EIF4G3: variants seen among roughly 807,000 people sequenced by gnomAD.
EIF4G3 encodes the protein eIF-4-gamma 3.
Under a neutral mutation model 186.4 loss-of-function variants are expected in EIF4G3, and 34 were observed. The observed-to-expected ratio is 0.18, with a 90% confidence interval of 0.14 to 0.24. The LOEUF (loss-of-function observed/expected upper bound fraction) is 0.24. Ranked by LOEUF, EIF4G3 falls within the 10% of genes least tolerant of loss-of-function variation. EIF4G3 has a pLI of 1.00. For missense variants in EIF4G3, 1,536 were observed against 1,948.5 expected, an observed-to-expected ratio of 0.79 and a Z score of 3.99; for synonymous variants, 673 against 679.5, an observed-to-expected ratio of 0.99 and a Z score of 0.15.
chr1:20,913,101 T>TTTGGTATGTTGACTTGGTA (rs2093438598), intron 14 of EIF4G3, among the ~76,000 whole-genome samples: 2 of 152,212 alleles, frequency 1.3e-5, no homozygotes, highest in Non-Finnish European at 2.9e-5. Context: ...CAGAGGTCGT[T>TTTGGTATGTTGACTTGGTA]ATTTGAAATG....
intron 6 of EIF4G3, among the ~76,000 whole-genome samples, chr1:20,998,087 C>T (rs183763768): frequency 2.1e-4 from 32 of 151,958 alleles, no homozygotes; most frequent in African/African-American, 7.5e-4. Context: ...TAAAGTCCAG[C>T]AGGAAGTAAA....
chr1:21,138,704 A>G (rs1463149851), intron 2 of EIF4G3, among the ~76,000 whole-genome samples: 1 of 152,024 alleles, frequency 6.6e-6, no homozygotes, highest in Non-Finnish European at 1.5e-5. Flanking sequence ...CCAGCTACTC[A>G]GGTGGCTGAG....
chr1:20,928,867 A>G (rs2095122630), intron 14 of EIF4G3, among the ~76,000 whole-genome samples: 1 of 152,142 alleles, frequency 6.6e-6, no homozygotes. Flanking sequence ...GAAGCTCGGT[A>G]TGTATTAGCA....
intron 18 of EIF4G3, among the ~76,000 whole-genome samples, chr1:20,889,559 C>T (rs574909561): frequency 2.0e-5 from 3 of 151,962 alleles, no homozygotes; most frequent in Admixed American, 6.5e-5. Context: ...TGCAGTGGCA[C>T]GATCTCGGCT....
chr1:20,999,699 A>G (rs1363026151), intron 6 of EIF4G3: 1 of 451,012 alleles, frequency 2.2e-6, no homozygotes. Context: ...AAAGTACCCT[A>G]GTCTATTTTG....
intron 3 of EIF4G3, among the ~76,000 whole-genome samples, chr1:21,079,627 C>T (rs1165401180): frequency 2.0e-5 from 3 of 150,066 alleles, no homozygotes; most frequent in African/African-American, 2.5e-5. Flanking sequence ...GAGGCTGCAG[C>T]GAGCCATGAC....
At chr1:20,906,328 C>G (rs979629380) in intron 14 of EIF4G3, among the ~76,000 whole-genome samples, 1 of 152,172 alleles carries the variant, frequency 6.6e-6, no homozygotes, top group African/African-American at 2.4e-5. Context: ...TATAACCAGT[C>G]TGTTTAATGC....
chr1:21,024,653 G>A (rs950077243), intron 4 of EIF4G3, among the ~76,000 whole-genome samples: 9 of 150,154 alleles, frequency 6.0e-5, no homozygotes, highest in Admixed American at 1.3e-4. Flanking sequence ...GATTAAGGGC[G>A]GTGCAAGATG....
chr1:21,059,506 T>G (rs1410179261), intron 3 of EIF4G3, among the ~76,000 whole-genome samples: 1 of 151,492 alleles, frequency 6.6e-6, no homozygotes, highest in South Asian at 2.1e-4. Flanking sequence ...ATGACACCAT[T>G]TGAATTCTGT....
chr1:21,010,959 T>C lies in EIF4G3; in HGVS notation c.-66-8151A>G, dbSNP rs949785450. On this transcript the variant is annotated intron_variant, in intron 4 of 36. Transcript: ENST00000602326. ...CACAGAGTCCTGGGCATCTCTGTAATGCTATTAAAGCAGGTGTGGGAGGTG... is the reference window on the plus strand; with the variant it reads ...CACAGAGTCCTGGGCATCTCTGTAACGCTATTAAAGCAGGTGTGGGAGGTG... Among the ~76,000 whole-genome samples, 4 of 152,310 alleles carry C rather than the reference T, an allele frequency of 2.6e-5. No homozygotes were observed. The South Asian group carries it at 8.3e-4, about 32-fold the overall frequency.
At chr1:21,067,512 TC>T (rs2095289385) in intron 3 of EIF4G3, among the ~76,000 whole-genome samples, 3 of 152,120 alleles carry the variant, frequency 2.0e-5, no homozygotes, top group Admixed American at 2.0e-4. Context: ...CAACAAGGAA[TC>T]CTAACTTTCA....
At position 20,959,619 on chromosome 1, in the gene EIF4G3, G is replaced by A. The variant is rs1191786688; in HGVS notation, c.715-9508C>T. 2.0e-5 allele frequency among the ~76,000 whole-genome samples: 3 copies of A among 150,180 alleles called. No homozygotes were observed. In the East Asian group the frequency reaches 5.8e-4, roughly 29 times the overall value. On this transcript the variant is annotated intron_variant, in intron 12 of 36. Transcript: ENST00000602326. ...CCATAGAGATGCAAACTACACATCT[G>A]ATGAAGGAAATCTACAAGGAACTCA...
At chr1:20,818,894 C>G (rs530269165) in intron 33 of EIF4G3, among the ~76,000 whole-genome samples, 2 of 152,202 alleles carry the variant, frequency 1.3e-5, no homozygotes, top group African/African-American at 2.4e-5. Context: ...CCGTTTCTAC[C>G]ACTTACGTAG....
At chr1:21,121,126 T>C (rs190018830) in intron 2 of EIF4G3, among the ~76,000 whole-genome samples, 58 of 152,174 alleles carry the variant, frequency 3.8e-4, no homozygotes, top group Admixed American at 5.9e-4. Context: ...CCATGTTGCC[T>C]AGGCTGGTCT....
intron 11 of EIF4G3, among the ~76,000 whole-genome samples, chr1:20,970,114 C>T (rs1418376423): frequency 1.3e-5 from 2 of 152,036 alleles, no homozygotes; most frequent in African/African-American, 2.4e-5. Flanking sequence ...GTGTGAACCA[C>T]GGTACCTGGC....
chr1:21,054,027 AG>A lies in EIF4G3; in HGVS notation c.-195-3034del, dbSNP rs1223281638. ...ACAATGGCGGTTTTGTGGAATAGAA[AG>A]GGGGGAAAGGTGGGGAAAAGATTGA... On this transcript the variant is annotated intron_variant, in intron 3 of 36. Coordinates refer to ENST00000602326, the MANE Select transcript of EIF4G3 (RefSeq NM_001391906.1). 3.3e-5 allele frequency among the ~76,000 whole-genome samples: 5 copies of A among 152,192 alleles called. No homozygotes were observed. In the East Asian group the frequency reaches 9.6e-4, roughly 29 times the overall value.
chr1:21,097,496 T>C (rs2096403374), intron 2 of EIF4G3, among the ~76,000 whole-genome samples: 1 of 152,180 alleles, frequency 6.6e-6, no homozygotes, highest in East Asian at 1.9e-4. Context: ...TTTTTTATGA[T>C]AGGAAAAATG....
intron 14 of EIF4G3, among the ~76,000 whole-genome samples, chr1:20,934,563 T>C (rs536274746): frequency 6.6e-6 from 1 of 152,248 alleles, no homozygotes; most frequent in South Asian, 2.1e-4. Context: ...GACGAGGTCA[T>C]GTGCTGCAGG....
At chr1:20,871,866 C>G (rs1452544240) in intron 20 of EIF4G3, among the ~76,000 whole-genome samples, 1 of 152,038 alleles carries the variant, frequency 6.6e-6, no homozygotes, top group African/African-American at 2.4e-5. Flanking sequence ...CTCTGTCACC[C>G]AGACTGGAGT....
Sources: gnomAD v4.1 joint callset for allele counts (sites outside exome capture counted in the v4.1 genomes callset) on GRCh38, gnomAD v4.1.1 for gene constraint, MANE v1.5 for transcripts, NCBI Gene and HGNC (gene_info 2026-07-23, HGNC 2026-07-21) for gene names.